Variants in TTC4 observed in about 807,000 individuals in gnomAD.
The protein encoded by TTC4 is tetratricopeptide repeat domain 4.
A neutral mutation model predicts 51.9 loss-of-function variants in TTC4; 36 were observed. That is an observed-to-expected ratio of 0.69 (90% CI 0.53 to 0.92). The LOEUF (loss-of-function observed/expected upper bound fraction) is 0.92, where lower values mean the gene tolerates loss of function less well. Ranked by LOEUF, TTC4 falls within the 40% of genes least tolerant of loss-of-function variation. TTC4 has a pLI of 0.00. For synonymous variants in TTC4, 144 were observed against 164.2 expected (o/e 0.88, Z 0.94); for missense variants, 399 against 454.6 (o/e 0.88, Z 1.11).
intron 3 of TTC4, among the ~76,000 whole-genome samples, chr1:54,719,853 AC>A (rs1460280536): frequency 6.6e-6 from 1 of 151,076 alleles, no homozygotes; most frequent in Non-Finnish European, 1.5e-5. Flanking sequence ...CTCAGAGTCC[AC>A]CCCTGGCCCC....
At chr1:54,717,363 A>T in intron 2 of TTC4, 129 bp from the exon 3 acceptor site, 1 of 755,148 alleles carries the variant, frequency 1.3e-6, no homozygotes, top group Non-Finnish European at 1.9e-6. Context: ...CATAACATCG[A>T]GTTTCCTTTC....
At position 54,742,197 on chromosome 1, in the gene TTC4, A is replaced by C. The variant is rs1275843907; in HGVS notation, c.*684A>C. The C allele has an allele frequency of 4.6e-5, 7 of 152,056 alleles. No individual in the cohort carries two copies. The highest frequency in any genetic ancestry group is 4.1e-4 in the South Asian group (2 of 4,822). The allele number at this position is 152,056 out of a possible 1,614,324, so 9.4% of individuals were successfully genotyped here. ...TTCCTCTGCAGTTTTGACATTTAGG[A>C]TTTTGTGTCTTTTAAACTGGAAAAT... On this transcript the variant is annotated 3_prime_UTR_variant, in exon 10 of 10. Transcript: ENST00000371281.
intron 3 of TTC4, among the ~76,000 whole-genome samples, chr1:54,718,444 T>C (rs1043617048): frequency 2.6e-5 from 4 of 152,304 alleles, no homozygotes; most frequent in African/African-American, 9.6e-5. Context: ...AGACAGGGTT[T>C]TGCCATGTTG....
At chr1:54,717,706 T>TG in intron 3 of TTC4, 53 bp downstream of exon 3, 2 of 1,428,798 alleles carry the variant, frequency 1.4e-6, no homozygotes, top group Non-Finnish European at 1.8e-6. Flanking sequence ...GCCATTATGA[T>TG]GGTTAGTGGA....
intron 6 of TTC4, among the ~76,000 whole-genome samples, chr1:54,729,553 C>T (rs188157371): frequency 1.3e-5 from 2 of 152,150 alleles, no homozygotes; most frequent in Admixed American, 6.5e-5. Flanking sequence ...GATGTTGTTC[C>T]TATAACAACA....
intron 1 of TTC4, 91 bp from the exon 2 acceptor site, chr1:54,716,506 CATG>C: frequency 1.1e-6 from 1 of 921,436 alleles, no homozygotes. Flanking sequence ...ATTTGCAAAT[CATG>C]ATGAGTAAAA....
At chr1:54,738,209 C>G (rs949839478) in intron 9 of TTC4, among the ~76,000 whole-genome samples, 3 of 152,158 alleles carry the variant, frequency 2.0e-5, no homozygotes, top group Non-Finnish European at 2.9e-5. Context: ...TCAAAAACTC[C>G]CATTTTTCAA....
rs552735985 is a variant in TTC4, at chr1:54,715,916, AAC to A, written c.9_10del (p.Gln3HisfsTer29). The A allele has an allele frequency of 3.7e-4, 587 of 1,605,868 alleles. 3 individuals carry two copies. In the African/African-American group the frequency reaches 7.3e-3, roughly 20 times the overall value. ...GAAGGCAGGGCATCAGCTATGGAAC[AAC>A]CTGGGCAGGATCCCACCTCAGACGA... On this transcript the variant is annotated frameshift_variant, in exon 1 of 10. Coordinates refer to ENST00000371281, the MANE Select transcript of TTC4 (RefSeq NM_004623.5). LOFTEE classifies it high-confidence loss of function.
Position 54,741,650 on chromosome 1 carries a change from T to A in TTC4, c.*137T>A. 1 of 721,600 alleles carries A rather than the reference T, an allele frequency of 1.4e-6. No individual in the cohort carries two copies. Among genetic ancestry groups the A allele is most frequent in the Non-Finnish European group, 2.3e-6 (1 of 429,670 alleles). The allele number at this position is 721,600 out of a possible 1,614,324, so 44.7% of individuals were successfully genotyped here. A position where few individuals can be genotyped will look rare whatever the true frequency, so the allele number is the denominator to read the frequency against. ...GGGATAGTCCTTCCTGGCATCGTGG[T>A]GGGGGAGGAGCCTCTGGCTTCCCTA... On this transcript the variant is annotated 3_prime_UTR_variant, in exon 10 of 10. Coordinates refer to ENST00000371281, the MANE Select transcript of TTC4 (RefSeq NM_004623.5).
chr1:54,717,671 T>C lies in TTC4; in HGVS notation c.391+18T>C, dbSNP rs554904139. On this transcript the variant is annotated intron_variant, in intron 3 of 9. Coordinates refer to ENST00000371281, the MANE Select transcript of TTC4 (RefSeq NM_004623.5). ...CTATCTGGGTAATTTATAAGTGCTT[T>C]CTGAAGAATAAACTTATGATACAAG... The C allele has an allele frequency of 6.6e-6, 10 of 1,506,324 alleles. No individual in the cohort carries two copies. The highest frequency in any genetic ancestry group is 2.4e-5 in the East Asian group (1 of 41,300). The allele number at this position is 1,506,324 out of a possible 1,614,324, so 93.3% of individuals were successfully genotyped here.
chr1:54,737,538 C>T (rs185147956), intron 8 of TTC4, 44 bp from the exon 9 acceptor site: 226 of 1,588,366 alleles, frequency 1.4e-4, no homozygotes, highest in African/African-American at 1.2e-3. Context: ...CTAAGGCTGC[C>T]GAAGCCTTTA....
intron 1 of TTC4, 198 bp downstream of exon 1, chr1:54,716,217 C>G (rs1438420853): frequency 1.7e-6 from 1 of 589,960 alleles, no homozygotes; most frequent in Non-Finnish European, 3.1e-6. Context: ...GGAGTCAGGC[C>G]TGTGACTCCA....
intron 5 of TTC4, among the ~76,000 whole-genome samples, chr1:54,724,272 T>G (rs182545345): frequency 6.6e-6 from 1 of 151,844 alleles, no homozygotes; most frequent in Non-Finnish European, 1.5e-5. Flanking sequence ...TTTTTTCTTT[T>G]TTTTTTTTCA....
At chr1:54,720,175 T>C (rs1427919690) in intron 3 of TTC4, among the ~76,000 whole-genome samples, 1 of 152,212 alleles carries the variant, frequency 6.6e-6, no homozygotes, top group Non-Finnish European at 1.5e-5. Context: ...GTGCTGGGAT[T>C]GCAGGAGTGA....
intron 6 of TTC4, among the ~76,000 whole-genome samples, chr1:54,730,613 A>G (rs186943315): frequency 1.2e-4 from 18 of 152,100 alleles, no homozygotes; most frequent in African/African-American, 4.1e-4. Flanking sequence ...TCTAATTTTG[A>G]TTGCATGTCA....
chr1:54,720,493 GTT>G (rs35285471), intron 3 of TTC4, among the ~76,000 whole-genome samples: 36 of 127,286 alleles, frequency 2.8e-4, no homozygotes, highest in South Asian at 2.1e-3. Flanking sequence ...TAGATATTTA[GTT>G]TTTTTTTTTT....
chr1:54,717,763 G>C, intron 3 of TTC4, 110 bp downstream of exon 3: 1 of 1,040,508 alleles, frequency 9.6e-7, no homozygotes, highest in Non-Finnish European at 1.3e-6. Flanking sequence ...CAGAAACCCA[G>C]ACTAAGGATA....
chr1:54,722,949 T>A, intron 5 of TTC4, 150 bp downstream of exon 5: 1 of 1,046,742 alleles, frequency 9.6e-7, no homozygotes. Context: ...CACAGACAAG[T>A]AAACAGTTAT....
intron 9 of TTC4, 83 bp from the exon 10 acceptor site, chr1:54,741,328 A>AGTG: frequency 8.7e-7 from 1 of 1,148,706 alleles, no homozygotes; most frequent in Non-Finnish European, 1.3e-6. Flanking sequence ...CCAGAGGCTC[A>AGTG]CCTTGCATGT....
Sources: allele counts gnomAD v4.1 joint callset (sites outside exome capture counted in the v4.1 genomes callset), GRCh38; gene constraint gnomAD v4.1.1; transcripts MANE v1.5; gene names NCBI Gene and HGNC (gene_info 2026-07-23, HGNC 2026-07-21).